Variants in PTCHD4 observed in about 807,000 individuals in gnomAD.
PTCHD4 encodes patched domain-containing protein 4.
A neutral mutation model predicts 58.1 loss-of-function variants in PTCHD4; 33 were observed. That is an observed-to-expected ratio of 0.57 (90% CI 0.43 to 0.76). PTCHD4 has a LOEUF of 0.76. PTCHD4 is among the 30% of genes least tolerant of loss of function. The pLI, the probability that PTCHD4 is intolerant of heterozygous loss-of-function variation, is 0.00. For missense variants in PTCHD4, 1,058 were observed against 1,027.1 expected, an observed-to-expected ratio of 1.03 and a Z score of -0.41; for synonymous variants, 478 against 409.6, an observed-to-expected ratio of 1.17 and a Z score of -2.02.
chr6:47,941,943 T>C (rs183747456), intron 4 of PTCHD4, among the ~76,000 whole-genome samples: 7 of 152,242 alleles, frequency 4.6e-5, no homozygotes, highest in Non-Finnish European at 8.8e-5. Context: ...CAAGCATTAC[T>C]AGAATGTGGA....
Position 47,989,997 on chromosome 6 carries a change from G to T in PTCHD4, c.898+18637C>A, listed in dbSNP as rs557346532. On this transcript the variant is annotated intron_variant, in intron 4 of 4. Transcript: ENST00000339488. ...GACTCTACCCTGCAAAGCCACAGGG[G>T]TGGAGCTGCCAAGACCATCGAACCC... Among the ~76,000 whole-genome samples, 43 of 152,318 alleles carry T rather than the reference G, an allele frequency of 2.8e-4. No individual in the cohort carries two copies. In the South Asian group the frequency reaches 8.1e-3, roughly 29 times the overall value.
In PTCHD4 at chr6:47,864,766, A is replaced by C. The variant is rs1378880755; in HGVS notation, c.*13537T>G. Reference sequence around the variant, plus strand: ...AATGTTAAAACCATGTATGTGTGAAATATTTGACAGGACAATTATACCATA... The same window carrying C: ...AATGTTAAAACCATGTATGTGTGAACTATTTGACAGGACAATTATACCATA... On this transcript the variant is annotated 3_prime_UTR_variant, in exon 5 of 5. Coordinates refer to ENST00000339488, the MANE Select transcript of PTCHD4 (RefSeq NM_001384253.1). Among the ~76,000 whole-genome samples the C allele has an allele frequency of 6.6e-6, 1 of 151,996 alleles. No individual in the cohort carries two copies. The highest frequency in any genetic ancestry group is 1.9e-4 in the East Asian group (1 of 5,148).
intron 4 of PTCHD4, among the ~76,000 whole-genome samples, chr6:47,902,938 G>A (rs1467124101): frequency 6.6e-6 from 1 of 152,184 alleles, no homozygotes; most frequent in Non-Finnish European, 1.5e-5. Context: ...TGACCCGAGA[G>A]TGAAGGTCTG....
chr6:47,903,202 AT>A (rs897762778), intron 4 of PTCHD4, among the ~76,000 whole-genome samples: 72 of 152,360 alleles, frequency 4.7e-4, no homozygotes, highest in African/African-American at 1.5e-3. Context: ...TTTCTTGAAT[AT>A]TAAAAGAGAA....
At position 47,859,773 on chromosome 6, in the gene PTCHD4, T is replaced by A. The variant is rs1387895994; in HGVS notation, c.*18530A>T. On this transcript the variant is annotated 3_prime_UTR_variant, in exon 5 of 5. Transcript: ENST00000339488. ...AGATTGTCAGGAAAGGCCTCTCTAA[T>A]GCATACTTATTTAATATTTAAGAAG... Among the ~76,000 whole-genome samples the A allele has an allele frequency of 6.6e-6, 1 of 151,992 alleles. No individual in the cohort carries two copies. Among genetic ancestry groups the A allele is most frequent in the East Asian group, 1.9e-4 (1 of 5,158 alleles).
chr6:48,033,668 GA>G (rs1448515551), intron 3 of PTCHD4, among the ~76,000 whole-genome samples: 1 of 151,926 alleles, frequency 6.6e-6, no homozygotes, highest in Non-Finnish European at 1.5e-5. Flanking sequence ...CATGACAATA[GA>G]AAAGAGCAAA....
At chr6:47,917,492 C>G (rs1333664266) in intron 4 of PTCHD4, among the ~76,000 whole-genome samples, 2 of 152,136 alleles carry the variant, frequency 1.3e-5, no homozygotes, top group African/African-American at 4.8e-5. Context: ...TATAAACCAC[C>G]TCACACTGGT....
rs556252471 is a variant in PTCHD4 at position 48,068,266 on chromosome 6, C to A, written c.381G>T (p.Gly127=). ...TGDNILLQAE[G]ILQTHRAVLE... ...GCACGGCTCGGTGGGTCTGCAGGATCCCCTCAGCCTGGAGCAAAATATTGT... is the reference window on the plus strand; with the variant it reads ...GCACGGCTCGGTGGGTCTGCAGGATACCCTCAGCCTGGAGCAAAATATTGT... The change falls in exon 3 of 5, where the codon GGG becomes GGT. Residue 127 remains glycine, a synonymous_variant. Transcript: ENST00000339488. The surrounding 1 kb of genome is among the most constrained non-coding windows in gnomAD (Gnocchi z 4.2). 2 of 1,595,992 alleles carry A rather than the reference C, an allele frequency of 1.3e-6. No homozygotes were observed. Among genetic ancestry groups the A allele is most frequent in the African/African-American group, 2.7e-5 (2 of 74,624 alleles).
intron 1 of PTCHD4, among the ~76,000 whole-genome samples, chr6:48,094,900 C>A (rs1441499947): frequency 1.3e-5 from 2 of 151,974 alleles, no homozygotes; most frequent in African/African-American, 2.4e-5. Context: ...GCAAACCAAA[C>A]AATAAGAGTA....
At position 47,879,054 on chromosome 6, in the gene PTCHD4, G is replaced by C; in HGVS notation, c.1781C>G (p.Ala594Gly). The part of the protein sequence containing the change: ...HFRNDIIFSK[A>G]GDESNIIASR... ...AGCAATGATATTGCTTTCATCCCCTGCCTTGGAGAAGATGATATCATTTCG... is the reference window on the plus strand; with the variant it reads ...AGCAATGATATTGCTTTCATCCCCTCCCTTGGAGAAGATGATATCATTTCG... Residue 594 changes from alanine to glycine, a missense_variant, in exon 5 of 5, where the codon GCA becomes GGA. Transcript: ENST00000339488. 9 of 1,613,438 alleles carry C rather than the reference G, an allele frequency of 5.6e-6. No individual in the cohort carries two copies. Among genetic ancestry groups the C allele is most frequent in the Non-Finnish European group, 5.1e-6 (6 of 1,179,736 alleles).
chr6:48,037,207 A>C (rs568197312), intron 3 of PTCHD4, among the ~76,000 whole-genome samples: 1 of 152,292 alleles, frequency 6.6e-6, no homozygotes, highest in African/African-American at 2.4e-5. Context: ...ATATTATCAA[A>C]GCTTTTACTA....
rs530177694 is a variant in PTCHD4, at chr6:47,898,301, C to G, written c.899-18365G>C. 5.9e-5 allele frequency among the ~76,000 whole-genome samples: 9 copies of G among 152,264 alleles called. No homozygotes were observed. The South Asian group carries it at 1.9e-3, about 32-fold the overall frequency. On this transcript the variant is annotated intron_variant, in intron 4 of 4. Transcript: ENST00000339488. The stretch of plus-strand genomic sequence containing the variant: ...TTCTAAAAACTGCATTTTAAACTAT[C>G]ATAATCCTGTCTCTAAAATTTTGGG...
At chr6:48,039,701 A>T (rs1453191652) in intron 3 of PTCHD4, among the ~76,000 whole-genome samples, 1 of 152,106 alleles carries the variant, frequency 6.6e-6, no homozygotes, top group Non-Finnish European at 1.5e-5. Flanking sequence ...ATTCAATTAG[A>T]TGAATTTGAA....
At chr6:48,059,274 A>T (rs548043097) in intron 3 of PTCHD4, among the ~76,000 whole-genome samples, 1 of 152,316 alleles carries the variant, frequency 6.6e-6, no homozygotes, top group East Asian at 1.9e-4. Context: ...AGTACTGCCT[A>T]AGGTATTATG....
chr6:48,057,985 A>G (rs1764473906), intron 3 of PTCHD4, among the ~76,000 whole-genome samples: 1 of 152,226 alleles, frequency 6.6e-6, no homozygotes, highest in African/African-American at 2.4e-5. Context: ...CCTCAGGTAG[A>G]GACAGCCAAG....
At chr6:48,091,820 T>C (rs1765371317) in intron 1 of PTCHD4, among the ~76,000 whole-genome samples, 1 of 152,030 alleles carries the variant, frequency 6.6e-6, no homozygotes, top group Non-Finnish European at 1.5e-5. Context: ...TAATTTTTTT[T>C]TGTATTTTTA....
intron 1 of PTCHD4, among the ~76,000 whole-genome samples, chr6:48,078,960 A>C (rs1355246249): frequency 6.6e-6 from 1 of 152,120 alleles, no homozygotes; most frequent in East Asian, 1.9e-4. Context: ...CTACTAAAAA[A>C]TACAAAAAAT....
intron 3 of PTCHD4, among the ~76,000 whole-genome samples, chr6:48,062,265 G>C (rs960987766): frequency 6.6e-6 from 1 of 152,104 alleles, no homozygotes. Flanking sequence ...AAGAAGTATG[G>C]TATTTTTGGC....
Position 48,109,140 on chromosome 6 carries a change from A to T in PTCHD4, c.-970+1909T>A, listed in dbSNP as rs554493778. ...CTTCAAAGTAGTACTGTTTTAAATG[A>T]CATCTGCTTATTTTGTGAATTCAAA... On this transcript the variant is annotated intron_variant, in intron 1 of 4. Transcript: ENST00000339488. 5.9e-5 allele frequency among the ~76,000 whole-genome samples: 9 copies of T among 152,268 alleles called. No homozygotes were observed. The South Asian group carries it at 1.5e-3, about 25-fold the overall frequency.
Sources: allele counts gnomAD v4.1 joint callset (sites outside exome capture counted in the v4.1 genomes callset), GRCh38; gene constraint gnomAD v4.1.1; non-coding constraint Gnocchi (gnomAD v3.1); transcripts MANE v1.5; gene names NCBI Gene and HGNC (gene_info 2026-07-23, HGNC 2026-07-21).